The following DZIP3 variants were observed in gnomAD, a reference collection of about 807,000 sequenced individuals.
DZIP3 encodes the protein DAZ interacting zinc finger protein 3, also known as E3 ubiquitin-protein ligase DZIP3.
Under a neutral mutation model 162.0 loss-of-function variants are expected in DZIP3, and 118 were observed. That is an observed-to-expected ratio of 0.73 (90% CI 0.63 to 0.85). The LOEUF (loss-of-function observed/expected upper bound fraction) is 0.85. DZIP3 is among the 40% of genes least tolerant of loss of function. The probability of loss-of-function intolerance (pLI) is 0.00; values close to 1 mark genes in which losing one functional copy is unlikely to be tolerated. For synonymous variants in DZIP3, 438 were observed against 458.6 expected (o/e 0.96, Z 0.57); for missense variants, 1,331 against 1,407.0 (o/e 0.95, Z 0.86).
At chr3:108,642,598 C>T (rs1942450338) in intron 13 of DZIP3, 84 bp downstream of exon 13, 1 of 1,325,828 alleles carries the variant, frequency 7.5e-7, no homozygotes, top group African/African-American at 1.5e-5. Context: ...CCATTAACAA[C>T]CACGTCTTTA....
Position 108,644,298 on chromosome 3 carries a change from C to CATAA in DZIP3, c.1276_1277insATAA (p.Leu426HisfsTer32). The CATAA allele has an allele frequency of 6.2e-7, 1 of 1,614,038 alleles. No individual in the cohort carries two copies. Among genetic ancestry groups the CATAA allele is most frequent in the Non-Finnish European group, 8.5e-7 (1 of 1,179,954 alleles). Reference sequence around the variant, plus strand: ...ACCTCCTCTTTTGAAAAAAGAGCTTCTTATACACAAGAATGTGCTGGAATC... The same window carrying CATAA: ...ACCTCCTCTTTTGAAAAAAGAGCTTCATAATTATACACAAGAATGTGCTGGAATC... On this transcript the variant is annotated frameshift_variant, in exon 14 of 33. Coordinates refer to ENST00000361582, the MANE Select transcript of DZIP3 (RefSeq NM_014648.4). LOFTEE classifies it high-confidence loss of function.
At chr3:108,642,615 T>G in intron 13 of DZIP3, 101 bp downstream of exon 13, 1 of 1,262,438 alleles carries the variant, frequency 7.9e-7, no homozygotes, top group East Asian at 3.2e-5. Flanking sequence ...TTTACTGTGT[T>G]TGTCATTCAC....
chr3:108,608,161 A>G lies in DZIP3; in HGVS notation c.102+3A>G. 1 of 1,608,076 alleles carries G rather than the reference A, an allele frequency of 6.2e-7. No individual in the cohort carries two copies. The highest frequency in any genetic ancestry group is 1.3e-5 in the African/African-American group (1 of 74,568). On this transcript the variant is annotated splice_donor_region_variant and intron_variant, in intron 3 of 32. Transcript: ENST00000361582. Reference sequence around the variant, plus strand: ...TAGAAAAATCATCTGGTCAACTGGTAAGAGAAAGTTTAATTTTCATTAACT... The same window carrying G: ...TAGAAAAATCATCTGGTCAACTGGTGAGAGAAAGTTTAATTTTCATTAACT...
intron 5 of DZIP3, among the ~76,000 whole-genome samples, chr3:108,620,776 G>C (rs1277978822): frequency 6.6e-6 from 1 of 152,126 alleles, no homozygotes; most frequent in Non-Finnish European, 1.5e-5. Context: ...ATCCATGTGG[G>C]AGAGTAAAGG....
At chr3:108,609,549 AG>A (rs1291737331) in intron 3 of DZIP3, among the ~76,000 whole-genome samples, 6 of 152,208 alleles carry the variant, frequency 3.9e-5, no homozygotes, top group African/African-American at 1.2e-4. Flanking sequence ...TTAAATTAAA[AG>A]TGTGGACCAG....
intron 5 of DZIP3, 115 bp from the exon 6 acceptor site, chr3:108,624,329 A>T: frequency 1.6e-6 from 1 of 613,790 alleles, no homozygotes. Context: ...TAATGTTTTG[A>T]TAATTTTTAC....
At chr3:108,648,147 C>A in intron 16 of DZIP3, 35 bp downstream of exon 16, 1 of 1,548,316 alleles carries the variant, frequency 6.5e-7, no homozygotes, top group Non-Finnish European at 8.7e-7. Context: ...GTTAGAAGAA[C>A]TTATTCTGGG....
intron 12 of DZIP3, among the ~76,000 whole-genome samples, chr3:108,640,396 CT>C (rs34733401): frequency 0.064 from 6,472 of 101,776 alleles, 182 homozygotes; most frequent in African/African-American, 0.12. Flanking sequence ...GAATTGTTAC[CT>C]TTTTTTTTTT....
At chr3:108,595,602 A>T (rs576146606) in intron 1 of DZIP3, among the ~76,000 whole-genome samples, 1 of 152,312 alleles carries the variant, frequency 6.6e-6, no homozygotes, top group African/African-American at 2.4e-5. Context: ...GATGGAAGTA[A>T]ATAACACTTG....
At chr3:108,595,013 T>G (rs1939637497) in intron 1 of DZIP3, among the ~76,000 whole-genome samples, 1 of 152,252 alleles carries the variant, frequency 6.6e-6, no homozygotes, top group Non-Finnish European at 1.5e-5. Context: ...AGTCATTTAT[T>G]CATCAAATGT....
chr3:108,659,125 C>A (rs1356330913), intron 19 of DZIP3, among the ~76,000 whole-genome samples: 1 of 152,160 alleles, frequency 6.6e-6, no homozygotes, highest in East Asian at 1.9e-4. Flanking sequence ...AGAGGGAATC[C>A]TCCCTAACTT....
At chr3:108,641,695 A>G (rs1188206733) in intron 12 of DZIP3, among the ~76,000 whole-genome samples, 1 of 152,196 alleles carries the variant, frequency 6.6e-6, no homozygotes, top group Non-Finnish European at 1.5e-5. Flanking sequence ...ATCTTCCCCA[A>G]TAACTTCATA....
At chr3:108,631,583 C>CTTTTTTT in intron 8 of DZIP3, among the ~76,000 whole-genome samples, 1 of 101,364 alleles carries the variant, frequency 9.9e-6, no homozygotes, top group Non-Finnish European at 1.9e-5. Context: ...TTATTATTCC[C>CTTTTTTT]TTTTTTTTTT....
chr3:108,684,179 G>GA (rs1944418458), intron 26 of DZIP3, 37 bp from the exon 27 acceptor site: 3 of 1,566,288 alleles, frequency 1.9e-6, no homozygotes, highest in African/African-American at 2.7e-5. Context: ...ATGTGGGGGG[G>GA]GGTGTTGTTT....
chr3:108,627,454 G>A (rs1941637224), intron 7 of DZIP3, among the ~76,000 whole-genome samples: 1 of 152,108 alleles, frequency 6.6e-6, no homozygotes, highest in South Asian at 2.1e-4. Context: ...CTGAATTAGT[G>A]GTGGGTTCTG....
At chr3:108,676,808 C>G (rs1390618983) in intron 25 of DZIP3, among the ~76,000 whole-genome samples, 2 of 152,088 alleles carry the variant, frequency 1.3e-5, no homozygotes. Flanking sequence ...AGCACATGTC[C>G]TCCATGCAGA....
At chr3:108,672,730 T>C (rs771220369) in intron 23 of DZIP3, 74 bp downstream of exon 23, 33 of 1,117,056 alleles carry the variant, frequency 3.0e-5, no homozygotes, top group Non-Finnish European at 3.7e-5. Context: ...ACTAAAGAAT[T>C]TGTAAAAGAT....
chr3:108,597,453 TAAGTA>T (rs1939769980), intron 1 of DZIP3, among the ~76,000 whole-genome samples: 3 of 152,150 alleles, frequency 2.0e-5, no homozygotes, highest in African/African-American at 7.2e-5. Context: ...GTGTTAAGTA[TAAGTA>T]GAGTGTAAGT....
At chr3:108,652,028 G>A (rs1942890302) in intron 18 of DZIP3, among the ~76,000 whole-genome samples, 1 of 150,470 alleles carries the variant, frequency 6.6e-6, no homozygotes, top group Admixed American at 6.6e-5. Flanking sequence ...AACAAGTTGA[G>A]CCACTGGAGC....
Sources: allele counts gnomAD v4.1 joint callset (sites outside exome capture counted in the v4.1 genomes callset), GRCh38; gene constraint gnomAD v4.1.1; transcripts MANE v1.5; gene names NCBI Gene and HGNC (gene_info 2026-07-23, HGNC 2026-07-21).